Variants in GRID1 observed in about 807,000 individuals in gnomAD.
The protein encoded by GRID1 is glutamate ionotropic receptor delta type subunit 1.
GRID1 carries 28 observed loss-of-function variants against 98.0 expected under a neutral mutation model. The observed-to-expected ratio is 0.29, with a 90% CI of 0.21 to 0.39. GRID1 has a LOEUF of 0.39. Among genes scored for constraint, GRID1 ranks in the 10% least tolerant of loss-of-function variants. The pLI, the probability that GRID1 is intolerant of heterozygous loss-of-function variation, is 1.00. For synonymous variants in GRID1, 553 were observed against 538.5 expected (o/e 1.03, Z -0.37); for missense variants, 1,111 against 1,340.5 (o/e 0.83, Z 2.67).
At chr10:85,989,488 A>T (rs760803566) in intron 4 of GRID1, among the ~76,000 whole-genome samples, 6 of 152,198 alleles carry the variant, frequency 3.9e-5, no homozygotes, top group African/African-American at 4.8e-5. Flanking sequence ...GGTGGTAAGC[A>T]TCAGGCCAGT....
chr10:86,063,405 G>A (rs1032270555), intron 4 of GRID1, among the ~76,000 whole-genome samples: 2 of 152,148 alleles, frequency 1.3e-5, no homozygotes, highest in African/African-American at 4.8e-5. Flanking sequence ...AACCTGAGAG[G>A]GCCCAGAGAG....
intron 8 of GRID1, among the ~76,000 whole-genome samples, chr10:85,760,211 T>C (rs1291231177): frequency 9.8e-5 from 15 of 152,328 alleles, no homozygotes; most frequent in Middle Eastern, 3.4e-3. Context: ...ATAAGATACA[T>C]GAAAAGTGCT....
chr10:86,156,451 A>G (rs1434388804), intron 3 of GRID1, among the ~76,000 whole-genome samples: 27 of 152,170 alleles, frequency 1.8e-4, no homozygotes, highest in Non-Finnish European at 1.5e-5. Context: ...CAAAGCTGGT[A>G]GGAGACTCAG....
At chr10:86,349,115 C>T (rs999107972) in intron 2 of GRID1, among the ~76,000 whole-genome samples, 4 of 152,212 alleles carry the variant, frequency 2.6e-5, no homozygotes, top group African/African-American at 7.2e-5. Flanking sequence ...CCCTGCCAAG[C>T]TCACGGCTGT....
intron 3 of GRID1, among the ~76,000 whole-genome samples, chr10:86,163,201 T>C (rs965380004): frequency 9.9e-5 from 15 of 151,642 alleles, no homozygotes; most frequent in Non-Finnish European, 1.6e-4. Flanking sequence ...ACAACGGGAG[T>C]GGGAGCAGCA....
chr10:86,094,106 C>T (rs562437273), intron 4 of GRID1, among the ~76,000 whole-genome samples: 10 of 152,304 alleles, frequency 6.6e-5, no homozygotes, highest in African/African-American at 2.4e-4. Flanking sequence ...ACACAATCAT[C>T]TCAATAGGTG....
At chr10:85,765,111 T>C (rs1313691983) in intron 8 of GRID1, among the ~76,000 whole-genome samples, 1 of 152,156 alleles carries the variant, frequency 6.6e-6, no homozygotes, top group African/African-American at 2.4e-5. Flanking sequence ...CATAATTTTG[T>C]ATTATGTTGT....
intron 4 of GRID1, among the ~76,000 whole-genome samples, chr10:86,047,774 C>T (rs1018439909): frequency 2.0e-5 from 3 of 151,884 alleles, no homozygotes; most frequent in Non-Finnish European, 2.9e-5. Context: ...ATCAAGACTG[C>T]GAAATGAAAT....
At chr10:85,993,930 A>G (rs1842711435) in intron 4 of GRID1, among the ~76,000 whole-genome samples, 1 of 152,028 alleles carries the variant, frequency 6.6e-6, no homozygotes, top group Non-Finnish European at 1.5e-5. Flanking sequence ...CACAGAAGTC[A>G]TGTCCAAGCC....
chr10:85,879,064 G>T (rs1381497245), intron 5 of GRID1, among the ~76,000 whole-genome samples: 2 of 151,994 alleles, frequency 1.3e-5, no homozygotes, highest in Admixed American at 6.6e-5. Flanking sequence ...TCAACAAGAA[G>T]AGCTAACTAT....
chr10:85,707,121 T>A (rs1182248010), intron 12 of GRID1, among the ~76,000 whole-genome samples: 12 of 152,224 alleles, frequency 7.9e-5, no homozygotes, highest in African/African-American at 2.6e-4. Context: ...TGGGATCTAA[T>A]TAAACTAAAT....
At chr10:86,321,372 C>G (rs984833988) in intron 2 of GRID1, among the ~76,000 whole-genome samples, 1 of 152,110 alleles carries the variant, frequency 6.6e-6, no homozygotes, top group African/African-American at 2.4e-5. Flanking sequence ...TCTGCCTCTT[C>G]CCAATACAAA....
chr10:85,963,479 A>G (rs949440775), intron 4 of GRID1, among the ~76,000 whole-genome samples: 1 of 152,138 alleles, frequency 6.6e-6, no homozygotes, highest in African/African-American at 2.4e-5. Context: ...AACAAGTCAG[A>G]CTTGTGCTCA....
At chr10:85,783,845 T>C (rs1369022824) in intron 8 of GRID1, among the ~76,000 whole-genome samples, 3 of 152,154 alleles carry the variant, frequency 2.0e-5, no homozygotes, top group African/African-American at 7.2e-5. Flanking sequence ...TGAGCCAAAA[T>C]AAAACCTCCC....
At chr10:85,764,832 G>C (rs1239645706) in intron 8 of GRID1, among the ~76,000 whole-genome samples, 19 of 152,294 alleles carry the variant, frequency 1.2e-4, no homozygotes, top group Non-Finnish European at 2.9e-5. Flanking sequence ...TCAAGGAAAA[G>C]AGAATGGGAA....
At chr10:86,058,258 AG>A (rs1452147477) in intron 4 of GRID1, among the ~76,000 whole-genome samples, 1 of 152,176 alleles carries the variant, frequency 6.6e-6, no homozygotes, top group Non-Finnish European at 1.5e-5. Context: ...GTCAGGTAGA[AG>A]CAAGGTAGAA....
intron 8 of GRID1, among the ~76,000 whole-genome samples, chr10:85,753,386 C>T (rs1242871672): frequency 1.3e-5 from 2 of 152,138 alleles, no homozygotes; most frequent in African/African-American, 4.8e-5. Context: ...AGGACCAAGG[C>T]CTAAATGATT....
At chr10:85,711,001 T>C (rs183124525) in intron 12 of GRID1, among the ~76,000 whole-genome samples, 4 of 152,036 alleles carry the variant, frequency 2.6e-5, no homozygotes, top group South Asian at 2.1e-4. Flanking sequence ...TTTGGAGAAA[T>C]TGGATTTCTT....
intron 4 of GRID1, among the ~76,000 whole-genome samples, chr10:86,008,673 ATG>A (rs1842890685): frequency 6.6e-6 from 1 of 152,208 alleles, no homozygotes; most frequent in African/African-American, 2.4e-5. Context: ...GATCAGAGAA[ATG>A]CAAATCCAGA....
Sources: allele counts gnomAD v4.1 joint callset (sites outside exome capture counted in the v4.1 genomes callset), GRCh38; gene constraint gnomAD v4.1.1; transcripts MANE v1.5; gene names NCBI Gene and HGNC (gene_info 2026-07-23, HGNC 2026-07-21).